Variants in GNG2 observed in about 807,000 individuals in gnomAD.
GNG2 encodes the protein guanine nucleotide-binding protein G(I)/G(S)/G(O) subunit gamma-2.
GNG2 carries 5 observed loss-of-function variants against 5.5 expected under a neutral mutation model. That is an observed-to-expected ratio of 0.91 (90% confidence interval 0.48 to 1.92). The LOEUF (loss-of-function observed/expected upper bound fraction) is 1.92. Ranked by LOEUF, GNG2 falls within the 30% of genes most tolerant of loss-of-function variation. The probability of loss-of-function intolerance (pLI) is 0.01; values close to 1 mark genes in which losing one functional copy is unlikely to be tolerated. For synonymous variants in GNG2, 28 were observed against 32.0 expected, an observed-to-expected ratio of 0.88 and a Z score of 0.42; for missense variants, 55 against 88.4, an observed-to-expected ratio of 0.62 and a Z score of 1.52.
At chr14:51,896,326 A>C (rs922151341) in intron 2 of GNG2, among the ~76,000 whole-genome samples, 1 of 152,256 alleles carries the variant, frequency 6.6e-6, no homozygotes, top group Non-Finnish European at 1.5e-5. Flanking sequence ...TTCAGTCTTC[A>C]AAAACCCTGG....
intron 2 of GNG2, among the ~76,000 whole-genome samples, chr14:51,919,159 T>G (rs1886855039): frequency 8.6e-6 from 1 of 115,672 alleles, no homozygotes; most frequent in Non-Finnish European, 1.6e-5. Context: ...CTAAATTTTA[T>G]AATTTTACTC....
At chr14:51,923,805 C>G (rs527798592) in intron 2 of GNG2, among the ~76,000 whole-genome samples, 10 of 152,204 alleles carry the variant, frequency 6.6e-5, no homozygotes, top group African/African-American at 2.2e-4. Flanking sequence ...GAATACAACC[C>G]TTGCTTGTGA....
At chr14:51,884,358 T>A (rs1369387671) in intron 2 of GNG2, among the ~76,000 whole-genome samples, 1 of 152,222 alleles carries the variant, frequency 6.6e-6, no homozygotes, top group Non-Finnish European at 1.5e-5. Flanking sequence ...TAATAAACCT[T>A]AATGTAGTTC....
intron 1 of GNG2, among the ~76,000 whole-genome samples, chr14:51,862,383 T>C (rs1343740): frequency 0.9 from 137,185 of 152,210 alleles, 61,885 homozygotes; most frequent in East Asian, 1. Flanking sequence ...TATTTGCATC[T>C]TAAAGGGAAG....
At chr14:51,905,428 T>C (rs888595095) in intron 2 of GNG2, among the ~76,000 whole-genome samples, 1 of 152,188 alleles carries the variant, frequency 6.6e-6, no homozygotes, top group Non-Finnish European at 1.5e-5. Flanking sequence ...TGTGTTAAAA[T>C]TGCAATAAAA....
intron 2 of GNG2, among the ~76,000 whole-genome samples, chr14:51,908,600 C>T (rs1031196131): frequency 4.6e-5 from 7 of 152,098 alleles, no homozygotes; most frequent in Non-Finnish European, 8.8e-5. Flanking sequence ...GAGAGTGTCT[C>T]GCTCTGTCAC....
Position 51,916,517 on chromosome 14 carries a change from A to G in GNG2, c.-29-34133A>G, listed in dbSNP as rs753984261. 35 of 452,162 alleles carry G rather than the reference A, an allele frequency of 7.7e-5. No homozygotes were observed. In the East Asian group the frequency reaches 2.3e-3, roughly 30 times the overall value. The allele number at this position is 452,162 out of a possible 1,614,324, so 28.0% of individuals were successfully genotyped here. ...TTCCACGAAAATAATCCTGAAAAAA[A>G]AAAAGAAATGGAAATTAATCCAATT... On this transcript the variant is annotated intron_variant, in intron 2 of 3. Transcript: ENST00000556766.
At chr14:51,942,592 T>TCTTTCTTTCTTTCTTTCTTTCTTTC (rs574783206) in intron 2 of GNG2, among the ~76,000 whole-genome samples, 4 of 132,204 alleles carry the variant, frequency 3.0e-5, no homozygotes, top group South Asian at 2.6e-4. Context: ...TTTCTTTCTT[T>TCTTTCTTTCTTTCTTTCTTTCTTTC]TTTTTTTTTT....
At chr14:51,959,243 C>G (rs1219892895) in intron 3 of GNG2, among the ~76,000 whole-genome samples, 2 of 152,118 alleles carry the variant, frequency 1.3e-5, no homozygotes, top group African/African-American at 2.4e-5. Flanking sequence ...ATTTATAGCT[C>G]TAGCCCGATT....
intron 1 of GNG2, among the ~76,000 whole-genome samples, chr14:51,875,655 A>G (rs1473720461): frequency 1.3e-5 from 2 of 151,464 alleles, no homozygotes; most frequent in Admixed American, 6.6e-5. Flanking sequence ...TGTATATAAT[A>G]CATGTTAGTG....
At chr14:51,947,802 A>C (rs1888727104) in intron 2 of GNG2, among the ~76,000 whole-genome samples, 1 of 152,258 alleles carries the variant, frequency 6.6e-6, no homozygotes, top group Non-Finnish European at 1.5e-5. Flanking sequence ...ATTGAGACAC[A>C]GACTTTCCTT....
chr14:51,837,392 C>A (rs2140074475), intron 2 of GNG2, among the ~76,000 whole-genome samples: 1 of 152,022 alleles, frequency 6.6e-6, no homozygotes, highest in South Asian at 2.1e-4. Flanking sequence ...TGCCTGTAAT[C>A]CCAGCACTTT....
chr14:51,939,707 C>G lies in GNG2; in HGVS notation c.-29-10943C>G, dbSNP rs146582514. The G allele has an allele frequency of 2.0e-4, 30 of 152,308 alleles. 1 individual carries two copies. The highest frequency in any genetic ancestry group is 1.7e-3 in the Admixed American group (26 of 15,294). 9.4% of individuals were successfully genotyped at this position (152,308 alleles called of 1,614,324 possible). A position where few individuals can be genotyped will look rare whatever the true frequency, so the allele number is the denominator to read the frequency against. On this transcript the variant is annotated intron_variant, in intron 2 of 3. Transcript: ENST00000556766. ...CTTGGGTTATTTTCTTCCTTCTTGA[C>G]CCCCACAGCAAGTTTGGTTGTTGGG...
chr14:51,917,247 C>T, intron 2 of GNG2: 1 of 401,792 alleles, frequency 2.5e-6, no homozygotes, highest in Admixed American at 3.0e-5. Flanking sequence ...GTCAAAATAT[C>T]CACCAGTCAG....
At chr14:51,903,922 C>T (rs181790554) in intron 2 of GNG2, among the ~76,000 whole-genome samples, 2 of 152,276 alleles carry the variant, frequency 1.3e-5, no homozygotes, top group African/African-American at 4.8e-5. Flanking sequence ...TGTTCTGTTC[C>T]CAAGCTGTAT....
At chr14:51,960,031 A>C (rs1889500958) in intron 3 of GNG2, among the ~76,000 whole-genome samples, 1 of 152,080 alleles carries the variant, frequency 6.6e-6, no homozygotes. Flanking sequence ...GTTTTCATTA[A>C]ATTTGGAAAT....
chr14:51,907,154 T>A lies in GNG2; in HGVS notation c.-30+29497T>A, dbSNP rs550790403. On this transcript the variant is annotated intron_variant, in intron 2 of 3. Transcript: ENST00000556766. The stretch of plus-strand genomic sequence containing the variant: ...GGATTTTATTCAGGCTGACAGCCAC[T>A]GCCAAGTCTCCTTGGACCGAGCTAG... Among the ~76,000 whole-genome samples, 6 of 152,316 alleles carry A rather than the reference T, an allele frequency of 3.9e-5. No homozygotes were observed. In the East Asian group the frequency reaches 5.8e-4, roughly 15 times the overall value.
intron 1 of GNG2, among the ~76,000 whole-genome samples, chr14:51,874,412 G>A (rs371872397): frequency 1.7e-4 from 23 of 135,256 alleles, no homozygotes; most frequent in African/African-American, 5.9e-4. Context: ...GTGACAGAGC[G>A]AGACTCTGTC....
In GNG2 at chr14:51,939,109, TA is replaced by T. The variant is rs563608439; in HGVS notation, c.-29-11531del. Among the ~76,000 whole-genome samples the T allele has an allele frequency of 7.8e-4, 117 of 150,088 alleles. 1 individual carries two copies. Among genetic ancestry groups the T allele is most frequent in the African/African-American group, 2.6e-3 (107 of 41,028 alleles). On this transcript the variant is annotated intron_variant, in intron 2 of 3. Transcript: ENST00000556766. Reference sequence around the variant, plus strand: ...TGGTTCATGGTCTGGGCTTCTGTATTAAAAAAAAAATCCAACATCCACAGTT... The same window carrying T: ...TGGTTCATGGTCTGGGCTTCTGTATTAAAAAAAAATCCAACATCCACAGTT...
Sources: gnomAD v4.1 joint callset for allele counts (sites outside exome capture counted in the v4.1 genomes callset) on GRCh38, gnomAD v4.1.1 for gene constraint, MANE v1.5 for transcripts, NCBI Gene and HGNC (gene_info 2026-07-23, HGNC 2026-07-21) for gene names.